The following KALRN variants were observed in gnomAD, a reference collection of about 807,000 sequenced individuals.
KALRN encodes kalirin RhoGEF kinase, also known as kalirin.
Under a neutral mutation model 353.7 loss-of-function variants are expected in KALRN, and 70 were observed. That is an observed-to-expected ratio of 0.20 (90% CI 0.16 to 0.24). The LOEUF (loss-of-function observed/expected upper bound fraction) is 0.24, where lower values mean the gene tolerates loss of function less well. KALRN is among the 10% of genes least tolerant of loss of function. The probability of loss-of-function intolerance (pLI) is 1.00; values close to 1 mark genes in which losing one functional copy is unlikely to be tolerated. For synonymous variants in KALRN, 1,391 were observed against 1,434.8 expected (o/e 0.97, Z 0.69); for missense variants, 2,791 against 3,756.7 (o/e 0.74, Z 6.72).
At chr3:124,419,395 A>G (rs889681166) in intron 14 of KALRN, among the ~76,000 whole-genome samples, 3 of 151,306 alleles carry the variant, frequency 2.0e-5, no homozygotes, top group Non-Finnish European at 2.9e-5. Context: ...TGTGATTCCC[A>G]TTTTACAGAC....
chr3:124,321,794 G>A (rs992920411), intron 6 of KALRN, among the ~76,000 whole-genome samples: 1 of 152,166 alleles, frequency 6.6e-6, no homozygotes, highest in African/African-American at 2.4e-5. Flanking sequence ...GGCTTTGGGC[G>A]TAGGTAAGAT....
chr3:124,432,608 C>T (rs529707047), intron 16 of KALRN, among the ~76,000 whole-genome samples: 36 of 152,244 alleles, frequency 2.4e-4, no homozygotes, highest in African/African-American at 8.2e-4. Flanking sequence ...AAATGGTGGC[C>T]AAGTAAGACC....
intron 1 of KALRN, among the ~76,000 whole-genome samples, chr3:124,115,334 G>C (rs2063355858): frequency 6.6e-6 from 1 of 152,198 alleles, no homozygotes; most frequent in Admixed American, 6.5e-5. Flanking sequence ...AAAGTAACTT[G>C]ATCAATCATT....
chr3:124,155,220 C>CA (rs2068803316), intron 1 of KALRN, among the ~76,000 whole-genome samples: 1 of 152,208 alleles, frequency 6.6e-6, no homozygotes, highest in East Asian at 1.9e-4. Context: ...ATGTCTAAAA[C>CA]ACCAAAGGAA....
intron 2 of KALRN, 125 bp downstream of exon 2, chr3:124,228,189 C>G (rs1353235591): frequency 1.2e-6 from 1 of 816,434 alleles, no homozygotes; most frequent in Non-Finnish European, 2.1e-6. Context: ...CTTGGGGCAG[C>G]TGCTTTCTTT....
intron 1 of KALRN, chr3:124,100,304 C>T (rs1191609332): frequency 1.3e-5 from 2 of 152,142 alleles, no homozygotes; most frequent in Non-Finnish European, 2.9e-5. Flanking sequence ...TAACAATTTG[C>T]AAATATTTTC....
At chr3:124,635,821 T>C (rs1163250058) in intron 36 of KALRN, among the ~76,000 whole-genome samples, 1 of 152,204 alleles carries the variant, frequency 6.6e-6, no homozygotes, top group African/African-American at 2.4e-5. Context: ...GCTGTAATTT[T>C]AATAGCTGGA....
In KALRN at chr3:124,496,006, TATATATACACAC is replaced by T. The variant is rs1561137682; in HGVS notation, c.4833-303_4833-292del. ...ATATATATATATATATATATATATA[TATATATACACAC>T]ACATATATACATACATACACCCCCT... is the stretch of plus-strand genomic sequence containing the variant. On this transcript the variant is annotated intron_variant, in intron 32 of 59. Coordinates refer to ENST00000682506, the MANE Select transcript of KALRN (RefSeq NM_001388419.1). Among the ~76,000 whole-genome samples, 337 of 54,946 alleles carry T rather than the reference TATATATACACAC, an allele frequency of 6.1e-3. 24 individuals carry two copies. Among genetic ancestry groups the T allele is most frequent in the African/African-American group, 0.02 (191 of 9,492 alleles). 36.0% of individuals were successfully genotyped at this position (54,946 alleles called of 152,430 possible).
intron 1 of KALRN, among the ~76,000 whole-genome samples, chr3:124,126,021 A>C (rs1031033508): frequency 6.6e-6 from 1 of 152,112 alleles, no homozygotes; most frequent in Admixed American, 6.6e-5. Context: ...TTACCTACTA[A>C]CATTCTCTTC....
At chr3:124,140,271 G>A (rs2066460259) in intron 1 of KALRN, among the ~76,000 whole-genome samples, 1 of 152,154 alleles carries the variant, frequency 6.6e-6, no homozygotes, top group Non-Finnish European at 1.5e-5. Context: ...CTTACGGCTG[G>A]TAACAACTCA....
intron 1 of KALRN, among the ~76,000 whole-genome samples, chr3:124,048,545 G>A (rs1334336230): frequency 2.6e-5 from 4 of 151,378 alleles, no homozygotes; most frequent in Non-Finnish European, 5.9e-5. Flanking sequence ...GCAGTGGTGC[G>A]ATCTCGGCTC....
chr3:124,207,527 G>C (rs2076518565), intron 1 of KALRN, among the ~76,000 whole-genome samples: 1 of 152,136 alleles, frequency 6.6e-6, no homozygotes, highest in Non-Finnish European at 1.5e-5. Context: ...TTGAAGTTCT[G>C]GATATGTCCT....
chr3:124,184,998 T>C (rs1294434338), intron 1 of KALRN, among the ~76,000 whole-genome samples: 1 of 152,198 alleles, frequency 6.6e-6, no homozygotes. Flanking sequence ...TTTCCCCATT[T>C]ATGGAGGTTT....
At chr3:124,703,158 CGTT>C (rs1014630282) in intron 57 of KALRN, among the ~76,000 whole-genome samples, 1 of 152,080 alleles carries the variant, frequency 6.6e-6, no homozygotes, top group Non-Finnish European at 1.5e-5. Flanking sequence ...TTGTGACCGA[CGTT>C]GTAGAGGAAA....
rs1438308904 is a variant in KALRN at position 124,334,757 on chromosome 3, C to G, written c.1647+262C>G. Among the ~76,000 whole-genome samples, 1 of 152,160 alleles carries G rather than the reference C, an allele frequency of 6.6e-6. No homozygotes were observed. The highest frequency in any genetic ancestry group is 2.4e-5 in the African/African-American group (1 of 41,446). ...GTAAAGGGAGACTCAGTCTCAGGAACTGCAATTCCTCGTAGTCATGTGGCA... is the reference window on the plus strand; with the variant it reads ...GTAAAGGGAGACTCAGTCTCAGGAAGTGCAATTCCTCGTAGTCATGTGGCA... On this transcript the variant is annotated intron_variant, in intron 9 of 59. Coordinates refer to ENST00000682506, the MANE Select transcript of KALRN (RefSeq NM_001388419.1). This position sits in a 1 kb window ranked among gnomAD's most constrained non-coding sequence, Gnocchi z 4.2.
chr3:124,573,023 C>T (rs544987396), intron 34 of KALRN, among the ~76,000 whole-genome samples: 4 of 152,142 alleles, frequency 2.6e-5, no homozygotes, highest in Non-Finnish European at 4.4e-5. Flanking sequence ...GGCGGCAGAG[C>T]GAGACCCTGT....
At chr3:124,585,065 T>C (rs1459944124) in intron 34 of KALRN, among the ~76,000 whole-genome samples, 1 of 152,212 alleles carries the variant, frequency 6.6e-6, no homozygotes, top group East Asian at 1.9e-4. Context: ...TTTGCTGCGA[T>C]CCGTTTCACA....
intron 1 of KALRN, among the ~76,000 whole-genome samples, chr3:124,081,145 A>G (rs1382137700): frequency 6.6e-6 from 1 of 152,232 alleles, no homozygotes; most frequent in East Asian, 1.9e-4. Flanking sequence ...CTTCTATGAC[A>G]TTCTCCTGTC....
chr3:124,576,219 A>G (rs2074077937), intron 34 of KALRN, among the ~76,000 whole-genome samples: 1 of 151,808 alleles, frequency 6.6e-6, no homozygotes, highest in South Asian at 2.1e-4. Context: ...TCTTCATTGC[A>G]TTTATCACTA....
Sources: gnomAD v4.1 joint callset for allele counts (sites outside exome capture counted in the v4.1 genomes callset) on GRCh38, gnomAD v4.1.1 for gene constraint, Gnocchi (gnomAD v3.1) non-coding constraint, MANE v1.5 for transcripts, NCBI Gene and HGNC (gene_info 2026-07-23, HGNC 2026-07-21) for gene names.